TRAF6: variants seen among roughly 807,000 people sequenced by gnomAD.
TRAF6 encodes the protein TNF receptor-associated factor 6.
TRAF6 carries 10 observed loss-of-function variants against 48.4 expected under a neutral mutation model. That is an observed-to-expected ratio of 0.21 (90% CI 0.13 to 0.35). The LOEUF is 0.35. Ranked by LOEUF, TRAF6 falls within the 10% of genes least tolerant of loss-of-function variation. TRAF6 has a pLI of 1.00. For missense variants in TRAF6, 397 were observed against 661.0 expected, an observed-to-expected ratio of 0.60 and a Z score of 4.38; for synonymous variants, 186 against 219.6, an observed-to-expected ratio of 0.85 and a Z score of 1.35.
chr11:36,492,704 T>C, intron 5 of TRAF6, 76 bp from the exon 6 acceptor site: 1 of 1,139,294 alleles, frequency 8.8e-7, no homozygotes, highest in Non-Finnish European at 1.3e-6. Flanking sequence ...ACATTTAAAC[T>C]GTATTGTCAA....
rs1450959005 is a variant in TRAF6 at position 36,486,160 on chromosome 11, C to G, written c.*3678G>C. Among the ~76,000 whole-genome samples, 1 of 152,112 alleles carries G rather than the reference C, an allele frequency of 6.6e-6. No homozygotes were observed. The highest frequency in any genetic ancestry group is 2.4e-5 in the African/African-American group (1 of 41,368). ...GTTCAAGCGATTCCCGTGCCTCAGC[C>G]TCCCAAGAAGCTGGGATTACAGGCA... On this transcript the variant is annotated 3_prime_UTR_variant, in exon 7 of 7. Coordinates refer to ENST00000526995, the MANE Select transcript of TRAF6 (RefSeq NM_004620.4).
Position 36,497,096 on chromosome 11 carries a change from G to A in TRAF6, c.606+12C>T. Reference sequence around the variant, plus strand: ...GAAGTAGTGAATTTAACAAATCCAAGTTAGTACATGCCTCTTTATCTTCAA... The same window carrying A: ...GAAGTAGTGAATTTAACAAATCCAAATTAGTACATGCCTCTTTATCTTCAA... On this transcript the variant is annotated intron_variant, in intron 4 of 6. Transcript: ENST00000526995. The A allele has an allele frequency of 1.2e-6, 2 of 1,610,794 alleles. No individual in the cohort carries two copies. Among genetic ancestry groups the A allele is most frequent in the Non-Finnish European group, 1.7e-6 (2 of 1,179,034 alleles).
At position 36,490,294 on chromosome 11, in the gene TRAF6, T is replaced by C. The variant is rs536779653; in HGVS notation, c.1113A>G (p.Lys371=). 1 of 1,614,028 alleles carries C rather than the reference T, an allele frequency of 6.2e-7. No homozygotes were observed. The highest frequency in any genetic ancestry group is 1.7e-5 in the Admixed American group (1 of 60,012). The change falls in exon 7 of 7, where the codon AAA becomes AAG. Residue 371 remains lysine, a synonymous_variant. Coordinates refer to ENST00000526995, the MANE Select transcript of TRAF6 (RefSeq NM_004620.4). The surrounding 1 kb of genome is among the most constrained non-coding windows in gnomAD (Gnocchi z 6.4). ...ATCCAGGGCTATGAATCACAACAGG[T>C]TTCTCCTCTTCTTGACATTTCAAAT... is the stretch of plus-strand genomic sequence containing the variant. ...GMHLKCQEEE[K]PVVIHSPGFY...
chr11:36,492,990 T>C (rs988729732), intron 5 of TRAF6, among the ~76,000 whole-genome samples: 1 of 152,200 alleles, frequency 6.6e-6, no homozygotes, highest in African/African-American at 2.4e-5. Flanking sequence ...GGCCATTTAA[T>C]AGGAACCAGT....
At chr11:36,498,707 T>C (rs1241461208) in intron 2 of TRAF6, 67 bp from the exon 3 acceptor site, 2 of 1,469,124 alleles carry the variant, frequency 1.4e-6, no homozygotes, top group Non-Finnish European at 1.8e-6. Flanking sequence ...ACAACTTTAA[T>C]TCACCATATA....
chr11:36,509,712 G>T (rs1435392116), intron 1 of TRAF6, among the ~76,000 whole-genome samples: 2 of 152,128 alleles, frequency 1.3e-5, no homozygotes, highest in Non-Finnish European at 2.9e-5. Flanking sequence ...CAGAGGTCAG[G>T]GGACAGGGAA....
intron 2 of TRAF6, among the ~76,000 whole-genome samples, chr11:36,500,433 G>A (rs1409117876): frequency 1.3e-5 from 2 of 152,106 alleles, no homozygotes; most frequent in South Asian, 4.1e-4. Context: ...GGAATGAATG[G>A]GTAGAAGGAC....
intron 1 of TRAF6, among the ~76,000 whole-genome samples, chr11:36,503,543 A>G (rs2133677264): frequency 6.6e-6 from 1 of 152,260 alleles, no homozygotes; most frequent in East Asian, 1.9e-4. Flanking sequence ...CTGGCCTCCC[A>G]AAGTGTTGAG....
intron 1 of TRAF6, among the ~76,000 whole-genome samples, chr11:36,506,780 A>T (rs1392692268): frequency 6.6e-6 from 1 of 152,196 alleles, no homozygotes; most frequent in Admixed American, 6.5e-5. Context: ...CAAGTTTCAC[A>T]TTACTTTCCA....
chr11:36,497,022 T>C (rs1859646979), intron 4 of TRAF6, 86 bp downstream of exon 4: 5 of 1,395,908 alleles, frequency 3.6e-6, no homozygotes, highest in Non-Finnish European at 4.9e-6. Context: ...AGTCACATCC[T>C]TATCTACTGC....
At chr11:36,504,263 C>A (rs187527054) in intron 1 of TRAF6, among the ~76,000 whole-genome samples, 2 of 152,194 alleles carry the variant, frequency 1.3e-5, no homozygotes, top group Non-Finnish European at 2.9e-5. Context: ...TTTTACCCCA[C>A]GAGAACTTCT....
intron 6 of TRAF6, among the ~76,000 whole-genome samples, chr11:36,491,167 A>G (rs1019798735): frequency 2.6e-5 from 4 of 152,082 alleles, no homozygotes; most frequent in Admixed American, 2.6e-4. Context: ...TTTTAAAGTC[A>G]AGAATATAGT....
chr11:36,504,384 CAGG>C (rs886528524), intron 1 of TRAF6, among the ~76,000 whole-genome samples: 3 of 152,140 alleles, frequency 2.0e-5, no homozygotes, highest in African/African-American at 4.8e-5. Context: ...GCATCCTCAC[CAGG>C]AGTTGATTCC....
rs961285375 is a variant in TRAF6 at position 36,487,890 on chromosome 11, G to A, written c.*1948C>T. On this transcript the variant is annotated 3_prime_UTR_variant, in exon 7 of 7. Coordinates refer to ENST00000526995, the MANE Select transcript of TRAF6 (RefSeq NM_004620.4). ...GGGGCGTGGAGATTAAATGTTTTGT[G>A]GCAACATTTAATTTTTTTCTCCGAT... The A allele has an allele frequency of 5.3e-5, 8 of 151,888 alleles. No individual in the cohort carries two copies. The highest frequency in any genetic ancestry group is 1.9e-4 in the African/African-American group (8 of 41,338). The allele number at this position is 151,888 out of a possible 1,614,324, so 9.4% of individuals were successfully genotyped here.
Position 36,490,251 on chromosome 11 carries a change from C to T in TRAF6, c.1156G>A (p.Gly386Arg). 1 of 1,614,190 alleles carries T rather than the reference C, an allele frequency of 6.2e-7. No individual in the cohort carries two copies. The highest frequency in any genetic ancestry group is 8.5e-7 in the Non-Finnish European group (1 of 1,180,050). The change falls in exon 7 of 7, where the codon GGG (glycine) becomes AGG (arginine). Residue 386 changes from glycine (G) to arginine (R), a missense_variant. Physicochemically the swap from Gly to Arg is moderately radical, Grantham distance 125. Transcript: ENST00000526995. This position sits in a 1 kb window ranked among gnomAD's most constrained non-coding sequence, Gnocchi z 6.4. ...TGCAAGCGCATGCACAGTTTGTACC[C>T]GGGTTTGCCAGTGTAGAATCCAGGG... Reference protein sequence around the residue: ...HSPGFYTGKPGYKLCMRLHLQ... With the variant: ...HSPGFYTGKPRYKLCMRLHLQ...
At position 36,490,729 on chromosome 11, in the gene TRAF6, A is replaced by C; in HGVS notation, c.757-79T>G. 2 of 1,269,944 alleles carry C rather than the reference A, an allele frequency of 1.6e-6. No individual in the cohort carries two copies. Among genetic ancestry groups the C allele is most frequent in the Non-Finnish European group, 2.2e-6 (2 of 918,744 alleles). 78.7% of individuals were successfully genotyped at this position (1,269,944 alleles called of 1,614,324 possible). A position where few individuals can be genotyped will look rare whatever the true frequency, so the allele number is the denominator to read the frequency against. On this transcript the variant is annotated intron_variant, in intron 6 of 6. Transcript: ENST00000526995. The surrounding 1 kb of genome is among the most constrained non-coding windows in gnomAD (Gnocchi z 6.4). The stretch of plus-strand genomic sequence containing the variant: ...AAAGGACCTGGCCAGGTCAAATAAG[A>C]AGTTTTCAAGTAGTCACACCACTTC...
At chr11:36,495,656 G>A (rs1448927062) in intron 4 of TRAF6, among the ~76,000 whole-genome samples, 4 of 152,284 alleles carry the variant, frequency 2.6e-5, no homozygotes, top group East Asian at 3.9e-4. Context: ...CATTTTGGGA[G>A]GCAAAGAGGG....
chr11:36,491,219 C>A (rs539044078), intron 6 of TRAF6, among the ~76,000 whole-genome samples: 2 of 152,218 alleles, frequency 1.3e-5, no homozygotes, highest in South Asian at 4.2e-4. Context: ...AAATCTATTG[C>A]AAATTGGAAT....
rs983403977 is a variant in TRAF6 at position 36,485,349 on chromosome 11, G to T, written c.*4489C>A. Reference sequence around the variant, plus strand: ...TGTGTGCAACGTGCCAGGCACTGTGGTAAGAAGAGGGGATTCAGCAGCAAC... The same window carrying T: ...TGTGTGCAACGTGCCAGGCACTGTGTTAAGAAGAGGGGATTCAGCAGCAAC... On this transcript the variant is annotated 3_prime_UTR_variant, in exon 7 of 7. Transcript: ENST00000526995. Among the ~76,000 whole-genome samples, 2 of 152,156 alleles carry T rather than the reference G, an allele frequency of 1.3e-5. No homozygotes were observed. Among genetic ancestry groups the T allele is most frequent in the African/African-American group, 2.4e-5 (1 of 41,408 alleles).
Sources: gnomAD v4.1 joint callset for allele counts (sites outside exome capture counted in the v4.1 genomes callset) on GRCh38, gnomAD v4.1.1 for gene constraint, Gnocchi (gnomAD v3.1) non-coding constraint, MANE v1.5 for transcripts, NCBI Gene and HGNC (gene_info 2026-07-23, HGNC 2026-07-21) for gene names.